The following CFAP47 variants were observed in gnomAD, a reference collection of about 807,000 sequenced individuals.
The protein encoded by CFAP47 is cilia and flagella associated protein 47.
Under a neutral mutation model 148.1 loss-of-function variants are expected in CFAP47, and 29 were observed. The observed-to-expected ratio is 0.20, with a 90% CI of 0.15 to 0.27. The LOEUF is 0.27. Among genes scored for constraint, CFAP47 ranks in the 10% least tolerant of loss-of-function variants. CFAP47 has a pLI of 1.00. For synonymous variants in CFAP47, 664 were observed against 577.3 expected (o/e 1.15, Z -2.15); for missense variants, 1,872 against 1,697.5 (o/e 1.10, Z -1.81).
In CFAP47 at chrX:36,050,904, G is replaced by GGA. The variant is rs1280400903; in HGVS notation, c.4217+3841_4217+3842insGA. 3.2e-4 allele frequency among the ~76,000 whole-genome samples: 36 copies of GGA among 112,407 alleles called. No homozygotes were observed. In the South Asian group the frequency reaches 5.1e-3, roughly 16 times the overall value. On this transcript the variant is annotated intron_variant, in intron 26 of 63. Coordinates refer to ENST00000378653, the MANE Select transcript of CFAP47 (RefSeq NM_001304548.2). The stretch of plus-strand genomic sequence containing the variant: ...CTGTGTCCCAGCTGCTCCAGCTATG[G>GGA]CTAAAAGGGGTCAAGGTATAGCTTA...
At chrX:35,996,187 G>A (rs1054575718) in intron 18 of CFAP47, among the ~76,000 whole-genome samples, 4 of 111,196 alleles carry the variant, frequency 3.6e-5, no homozygotes, top group African/African-American at 1.3e-4. Flanking sequence ...GTAAAAGGCA[G>A]CCATAGGGAG....
chrX:36,341,843 A>AAT (rs782711255), intron 57 of CFAP47, among the ~76,000 whole-genome samples: 340 of 110,950 alleles, frequency 3.1e-3, no homozygotes, highest in African/African-American at 0.011. Flanking sequence ...ACTCTTTTAA[A>AAT]ATATATATAC....
At chrX:36,251,531 T>C (rs1940692765) in intron 49 of CFAP47, 87 bp downstream of exon 49, 1 of 377,628 alleles carries the variant, frequency 2.6e-6, no homozygotes, top group Admixed American at 4.9e-5. Context: ...GCAATTTGTA[T>C]TTCCACTTTC....
chrX:36,177,354 G>A (rs1218930399), intron 39 of CFAP47, among the ~76,000 whole-genome samples: 3 of 111,621 alleles, frequency 2.7e-5, no homozygotes, highest in African/African-American at 9.8e-5. Flanking sequence ...CTACTTTTTA[G>A]CCAGAACAGA....
intron 28 of CFAP47, among the ~76,000 whole-genome samples, chrX:36,072,334 G>A (rs1601960770): frequency 8.9e-6 from 1 of 111,958 alleles, no homozygotes; most frequent in East Asian, 2.8e-4. Context: ...AATACCTGTG[G>A]AGCCTCTGTA....
In CFAP47 at chrX:35,971,802, C is replaced by T. The variant is rs1569220008; in HGVS notation, c.2157+30C>T. 6 of 1,188,661 alleles carry T rather than the reference C, an allele frequency of 5.0e-6. No homozygotes were observed. In the East Asian group the frequency reaches 1.8e-4, roughly 35 times the overall value. On this transcript the variant is annotated intron_variant, in intron 12 of 63. Coordinates refer to ENST00000378653, the MANE Select transcript of CFAP47 (RefSeq NM_001304548.2). ...GTGCAATGTTTTACATTTGGTTATT[C>T]CACGAGAATTCTTAAAATAGCTTTT...
At chrX:36,029,309 GT>G (rs1240446180) in intron 22 of CFAP47, among the ~76,000 whole-genome samples, 2 of 110,460 alleles carry the variant, frequency 1.8e-5, no homozygotes, top group African/African-American at 6.5e-5. Flanking sequence ...TAGCTTATCC[GT>G]TTTTTAAACA....
intron 33 of CFAP47, among the ~76,000 whole-genome samples, chrX:36,117,213 A>G (rs1362722360): frequency 8.9e-6 from 1 of 111,956 alleles, no homozygotes; most frequent in Non-Finnish European, 1.9e-5. Flanking sequence ...TAAAACACAC[A>G]TGGGAGTGCG....
chrX:35,961,016 T>C (rs1286672441), intron 8 of CFAP47, among the ~76,000 whole-genome samples: 1 of 111,749 alleles, frequency 8.9e-6, no homozygotes, highest in African/African-American at 3.3e-5. Flanking sequence ...CTTTATAAAC[T>C]TGAGGGAGTT....
chrX:35,979,357 T>A (rs1467563621), intron 15 of CFAP47, among the ~76,000 whole-genome samples: 1 of 109,590 alleles, frequency 9.1e-6, no homozygotes, highest in African/African-American at 3.3e-5. Context: ...TGCTTCTGCT[T>A]GTTTTGTTTT....
intron 2 of CFAP47, among the ~76,000 whole-genome samples, chrX:35,936,808 G>T (rs1039119002): frequency 2.7e-5 from 3 of 110,347 alleles, no homozygotes; most frequent in Non-Finnish European, 5.7e-5. Context: ...TCTTCTGCTG[G>T]TGCTTCCTGA....
intron 62 of CFAP47, among the ~76,000 whole-genome samples, chrX:36,378,613 T>C (rs1376604355): frequency 5.4e-5 from 6 of 111,751 alleles, no homozygotes; most frequent in African/African-American, 1.3e-4. Flanking sequence ...TATCTCGGCT[T>C]ACTGCAACCT....
chrX:36,169,245 G>C (rs994050919), intron 39 of CFAP47, among the ~76,000 whole-genome samples: 4 of 111,099 alleles, frequency 3.6e-5, no homozygotes, highest in Admixed American at 1.9e-4. Flanking sequence ...TTATCTATAT[G>C]TGGATTGCCT....
At chrX:36,048,591 AT>A (rs1471506943) in intron 26 of CFAP47, among the ~76,000 whole-genome samples, 1 of 111,572 alleles carries the variant, frequency 9.0e-6, no homozygotes, top group Non-Finnish European at 1.9e-5. Flanking sequence ...GCAGGAATAA[AT>A]ATTTTCTGCT....
At chrX:36,072,935 TA>T (rs933428394) in intron 28 of CFAP47, among the ~76,000 whole-genome samples, 9 of 111,991 alleles carry the variant, frequency 8.0e-5, no homozygotes, top group African/African-American at 2.9e-4. Flanking sequence ...CAGCTATTGT[TA>T]AAACGTTTCT....
chrX:36,174,706 C>T (rs1416584892), intron 39 of CFAP47, among the ~76,000 whole-genome samples: 1 of 110,540 alleles, frequency 9.0e-6, no homozygotes, highest in African/African-American at 3.3e-5. Flanking sequence ...GAGGGTAACC[C>T]GACCTTTCTC....
intron 8 of CFAP47, among the ~76,000 whole-genome samples, 161 bp downstream of exon 8, chrX:35,956,357 A>T (rs1479194356): frequency 8.9e-6 from 1 of 111,870 alleles, no homozygotes; most frequent in Non-Finnish European, 1.9e-5. Context: ...ACTCATATAG[A>T]ATCCATAATG....
intron 39 of CFAP47, among the ~76,000 whole-genome samples, chrX:36,173,168 T>C (rs1273958800): frequency 1.8e-5 from 2 of 111,792 alleles, no homozygotes; most frequent in Admixed American, 1.9e-4. Flanking sequence ...TTTTTTATTG[T>C]GTCTATTTGA....
At chrX:36,149,925 A>G (rs1184730347) in intron 37 of CFAP47, among the ~76,000 whole-genome samples, 1 of 110,311 alleles carries the variant, frequency 9.1e-6, no homozygotes, top group Non-Finnish European at 1.9e-5. Flanking sequence ...TATTTTATAT[A>G]TAGTTTTTGC....
Sources: allele counts gnomAD v4.1 joint callset (sites outside exome capture counted in the v4.1 genomes callset), GRCh38; gene constraint gnomAD v4.1.1; transcripts MANE v1.5; gene names NCBI Gene and HGNC (gene_info 2026-07-23, HGNC 2026-07-21).